Variants in PCDHA10 observed in about 807,000 individuals in gnomAD.
PCDHA10 encodes protocadherin alpha 10, also known as protocadherin alpha-10.
Under a neutral mutation model 61.2 loss-of-function variants are expected in PCDHA10, and 45 were observed. The ratio of observed to expected loss-of-function variants is 0.74; its 90% CI spans 0.58 to 0.94. The LOEUF is 0.94. Ranked by LOEUF, PCDHA10 falls within the 40% of genes least tolerant of loss-of-function variation. The probability of loss-of-function intolerance (pLI) is 0.00; values close to 1 mark genes in which losing one functional copy is unlikely to be tolerated. For missense variants in PCDHA10, 1,278 were observed against 1,236.2 expected, an observed-to-expected ratio of 1.03 and a Z score of -0.51; for synonymous variants, 602 against 548.8, an observed-to-expected ratio of 1.10 and a Z score of -1.35.
At chr5:140,963,685 C>T (rs1272143166) in intron 1 of PCDHA10, among the ~76,000 whole-genome samples, 19 of 152,220 alleles carry the variant, frequency 1.2e-4, no homozygotes, top group Middle Eastern at 3.4e-3. Flanking sequence ...TGTGTTTATC[C>T]GTGTTTGATA....
chr5:140,969,167 T>G (rs1554231527), intron 1 of PCDHA10: 1 of 1,613,668 alleles, frequency 6.2e-7, no homozygotes. Flanking sequence ...GACAGCAGGC[T>G]CAGGGAGTGA....
intron 3 of PCDHA10, among the ~76,000 whole-genome samples, chr5:140,986,408 C>G (rs1587158509): frequency 6.6e-6 from 1 of 152,176 alleles, no homozygotes; most frequent in East Asian, 1.9e-4. Context: ...GCTCATGTTA[C>G]AGCTCTTTTT....
intron 1 of PCDHA10, chr5:140,968,910 T>G (rs782307931): frequency 1.9e-6 from 3 of 1,613,974 alleles, no homozygotes; most frequent in Non-Finnish European, 2.5e-6. Flanking sequence ...TTAAGCACAG[T>G]GTCTTTTATA....
rs2044015236 is a variant in PCDHA10, at chr5:140,856,467, C to T, written c.419C>T (p.Ser140Leu). Residue 140 changes from serine (S) to leucine (L), a missense_variant, in exon 1 of 4, where the codon TCA becomes TTA. Physicochemically the swap from Ser to Leu is moderately radical, Grantham distance 145 (BLOSUM62 -2). Coordinates refer to ENST00000307360, the MANE Select transcript of PCDHA10 (RefSeq NM_018901.4). ...TTCTCCGTAACAGAACAAAAGCTCTCAATACCTGAATCCAGACTGCTTGAC... is the reference window on the plus strand; with the variant it reads ...TTCTCCGTAACAGAACAAAAGCTCTTAATACCTGAATCCAGACTGCTTGAC... ...PRFSVTEQKL[S>L]IPESRLLDSR... 5 of 1,598,208 alleles carry T rather than the reference C, an allele frequency of 3.1e-6. 1 individual carries two copies. Among genetic ancestry groups the T allele is most frequent in the Non-Finnish European group, 4.3e-6 (5 of 1,167,910 alleles).
Position 140,856,708 on chromosome 5 carries a change from A to G in PCDHA10, c.660A>G (p.Glu220=). ...CAGCAACTGATGGAGGCAAACCTGAATTTACCGGATCTGTTTCTCTGCTGA... is the reference window on the plus strand; with the variant it reads ...CAGCAACTGATGGAGGCAAACCTGAGTTTACCGGATCTGTTTCTCTGCTGA... ...LLTATDGGKP[E]FTGSVSLLIL... The change falls in exon 1 of 4, where the codon GAA becomes GAG. Residue 220 remains glutamate, a synonymous_variant. Coordinates refer to ENST00000307360, the MANE Select transcript of PCDHA10 (RefSeq NM_018901.4). The G allele has an allele frequency of 6.3e-7, 1 of 1,596,690 alleles. No individual in the cohort carries two copies. Among genetic ancestry groups the G allele is most frequent in the South Asian group, 1.1e-5 (1 of 90,520 alleles).
chr5:140,954,909 T>C (rs1309101151), intron 1 of PCDHA10, among the ~76,000 whole-genome samples: 3 of 152,164 alleles, frequency 2.0e-5, no homozygotes, highest in Admixed American at 6.5e-5. Flanking sequence ...TTTCATACTT[T>C]TATGAATTAC....
At chr5:140,875,925 T>C in intron 1 of PCDHA10, 2 of 1,614,142 alleles carry the variant, frequency 1.2e-6, no homozygotes. Context: ...TGGACTCTCA[T>C]TTTCCTCTAG....
chr5:140,974,544 T>C (rs1393611069), intron 1 of PCDHA10, among the ~76,000 whole-genome samples: 1 of 152,232 alleles, frequency 6.6e-6, no homozygotes, highest in Non-Finnish European at 1.5e-5. Context: ...GGAGTTTTGC[T>C]CTTGTTGCCC....
chr5:140,904,235 T>A (rs147535141), intron 1 of PCDHA10, among the ~76,000 whole-genome samples: 1,856 of 152,070 alleles, frequency 0.012, 44 homozygotes, highest in African/African-American at 0.042. Flanking sequence ...TACTTATGCC[T>A]TTGCATCCTC....
At chr5:140,943,770 A>G (rs1290673049) in intron 1 of PCDHA10, among the ~76,000 whole-genome samples, 16 of 152,384 alleles carry the variant, frequency 1.0e-4, no homozygotes, top group African/African-American at 3.8e-4. Context: ...TAGGAAAAAA[A>G]CTAGGAAGTG....
Position 140,974,586 on chromosome 5 carries a change from A to G in PCDHA10, c.2389-4363A>G, listed in dbSNP as rs150396044. Among the ~76,000 whole-genome samples, 599 of 152,220 alleles carry G rather than the reference A, an allele frequency of 3.9e-3. 3 individuals carry two copies. Among genetic ancestry groups the G allele is most frequent in the African/African-American group, 0.014 (565 of 41,540 alleles). On this transcript the variant is annotated intron_variant, in intron 1 of 3. Transcript: ENST00000307360. The stretch of plus-strand genomic sequence containing the variant: ...GAGTGCAATGGCATGATCTTGGCTC[A>G]CTGCAACCTCTGCCTCCAGGGTTCA...
At chr5:140,967,025 C>G (rs2153750258) in intron 1 of PCDHA10, 1 of 1,608,362 alleles carries the variant, frequency 6.2e-7, no homozygotes, top group Middle Eastern at 1.7e-4. Flanking sequence ...TGCGCCCAGT[C>G]CGCGCTACCT....
chr5:140,906,999 G>C (rs187849442), intron 1 of PCDHA10, among the ~76,000 whole-genome samples: 1 of 152,088 alleles, frequency 6.6e-6, no homozygotes, highest in Non-Finnish European at 1.5e-5. Flanking sequence ...TCCTCCCTCT[G>C]GAACTAAGAC....
chr5:141,009,706 C>G lies in PCDHA10; in HGVS notation c.2616C>G (p.Gly872=). Reference sequence around the variant, plus strand: ...GCTGGACCTTTAAATACGGACCAGGCAACCCCAAACAATCCGGTCCCGGTG... The same window carrying G: ...GCTGGACCTTTAAATACGGACCAGGGAACCCCAAACAATCCGGTCCCGGTG... ...SNSWTFKYGP[G]NPKQSGPGEL... The change falls in exon 4 of 4, where the codon GGC becomes GGG. Residue 872 remains glycine, a synonymous_variant. Transcript: ENST00000307360. 1 of 1,614,118 alleles carries G rather than the reference C, an allele frequency of 6.2e-7. No homozygotes were observed. Among genetic ancestry groups the G allele is most frequent in the Non-Finnish European group, 8.5e-7 (1 of 1,180,020 alleles).
At chr5:140,971,110 G>A (rs2096457221) in intron 1 of PCDHA10, among the ~76,000 whole-genome samples, 1 of 152,172 alleles carries the variant, frequency 6.6e-6, no homozygotes, top group Admixed American at 6.5e-5. Flanking sequence ...CTTTGGGATT[G>A]GGGTGGGCTA....
rs369408845 is a variant in PCDHA10, at chr5:140,898,113, C to T, written c.2388+39677C>T. On this transcript the variant is annotated intron_variant, in intron 1 of 3. Coordinates refer to ENST00000307360, the MANE Select transcript of PCDHA10 (RefSeq NM_018901.4). ...AGCCCTTTGTCAGATGAGTAGGTTG[C>T]GAAAATTTTCTCCCATTTTGTAGGT... Among the ~76,000 whole-genome samples, 401 of 152,070 alleles carry T rather than the reference C, an allele frequency of 2.6e-3. 3 individuals carry two copies. Among genetic ancestry groups the T allele is most frequent in the Admixed American group, 0.01 (153 of 15,274 alleles).
intron 1 of PCDHA10, chr5:140,927,513 C>T (rs371881938): frequency 2.2e-5 from 36 of 1,614,062 alleles, no homozygotes; most frequent in South Asian, 3.3e-5. Flanking sequence ...CAGCTCGGGA[C>T]GGCGGGCTAC....
rs1554148266 is a variant in PCDHA10 at position 140,856,152 on chromosome 5, A to C, written c.104A>C (p.Tyr35Ser). Residue 35 changes from tyrosine to serine, a missense_variant, in exon 1 of 4, where the codon TAC becomes TCC. By Grantham distance (144) the Tyr-to-Ser change is moderately radical. Coordinates refer to ENST00000307360, the MANE Select transcript of PCDHA10 (RefSeq NM_018901.4). ...AGCGGCCAGCTCCACTACTCAGTCT[A>C]CGAGGAGGCCAGACACGGCACCTTC... ...VGSGQLHYSVYEEARHGTFVG... is the reference protein window; with the variant it reads ...VGSGQLHYSVSEEARHGTFVG... The C allele has an allele frequency of 6.3e-6, 10 of 1,598,178 alleles. 1 individual carries two copies. Among genetic ancestry groups the C allele is most frequent in the Middle Eastern group, 1.7e-4 (1 of 5,990 alleles).
chr5:140,954,017 T>C (rs2094968085), intron 1 of PCDHA10, among the ~76,000 whole-genome samples: 1 of 152,162 alleles, frequency 6.6e-6, no homozygotes, highest in Admixed American at 6.5e-5. Flanking sequence ...CTCCCACACA[T>C]AGTGGGACGA....
Sources: gnomAD v4.1 joint callset for allele counts (sites outside exome capture counted in the v4.1 genomes callset) on GRCh38, gnomAD v4.1.1 for gene constraint, MANE v1.5 for transcripts, NCBI Gene and HGNC (gene_info 2026-07-23, HGNC 2026-07-21) for gene names.